The following GLRA3 variants were observed in gnomAD, a reference collection of about 807,000 sequenced individuals.
GLRA3 encodes the protein glycine receptor alpha 3.
In GLRA3, 44 loss-of-function variants were observed where a neutral mutation model predicts 60.4. The ratio of observed to expected loss-of-function variants is 0.73; its 90% confidence interval spans 0.57 to 0.94. The LOEUF (loss-of-function observed/expected upper bound fraction) is 0.94. Ranked by LOEUF, GLRA3 falls within the 40% of genes least tolerant of loss-of-function variation. The pLI is 0.00. For synonymous variants in GLRA3, 223 were observed against 192.9 expected (o/e 1.16, Z -1.29); for missense variants, 508 against 564.6 (o/e 0.90, Z 1.02).
At chr4:174,742,516 C>G (rs1416124686) in intron 3 of GLRA3, among the ~76,000 whole-genome samples, 1 of 152,068 alleles carries the variant, frequency 6.6e-6, no homozygotes, top group Non-Finnish European at 1.5e-5. Context: ...AGCCACTGGG[C>G]TTTTACAGGG....
At chr4:174,704,461 A>G (rs1191168933) in intron 5 of GLRA3, among the ~76,000 whole-genome samples, 1 of 143,888 alleles carries the variant, frequency 6.9e-6, no homozygotes, top group African/African-American at 2.5e-5. Flanking sequence ...AAGTGTTGGC[A>G]AGGGTGTAAA....
Position 174,828,865 on chromosome 4 carries a change from A to G in GLRA3, c.-54T>C. 8.7e-7 allele frequency: 1 copy of G among 1,154,016 alleles called. No individual in the cohort carries two copies. Among genetic ancestry groups the G allele is most frequent in the Non-Finnish European group, 1.3e-6 (1 of 759,880 alleles). 71.5% of individuals were successfully genotyped at this position (1,154,016 alleles called of 1,614,324 possible). A position where few individuals can be genotyped will look rare whatever the true frequency, so the allele number is the denominator to read the frequency against. ...AATAGTCTTATCCAAGGCATGGGGA[A>G]CCAGAAAGACAGAATGAAAATGTAC... On this transcript the variant is annotated 5_prime_UTR_variant, in exon 1 of 10. Coordinates refer to ENST00000274093, the MANE Select transcript of GLRA3 (RefSeq NM_006529.4).
chr4:174,766,049 A>C (rs1738130909), intron 3 of GLRA3, among the ~76,000 whole-genome samples: 2 of 151,948 alleles, frequency 1.3e-5, no homozygotes, highest in African/African-American at 4.8e-5. Flanking sequence ...ATATATGTAA[A>C]AATTTGCATA....
chr4:174,826,509 T>A (rs368187669), intron 1 of GLRA3, among the ~76,000 whole-genome samples: 150 of 152,296 alleles, frequency 9.8e-4, no homozygotes, highest in African/African-American at 3.4e-3. Flanking sequence ...CACTTGGGTG[T>A]GTTCCCTTTG....
chr4:174,688,263 C>A (rs1020270279), intron 5 of GLRA3, among the ~76,000 whole-genome samples: 45 of 144,682 alleles, frequency 3.1e-4, no homozygotes, highest in African/African-American at 1.1e-3. Flanking sequence ...TCCAGTTGCT[C>A]TACCTTACCT....
At chr4:174,680,631 G>T (rs1734305763) in intron 6 of GLRA3, among the ~76,000 whole-genome samples, 1 of 152,114 alleles carries the variant, frequency 6.6e-6, no homozygotes, top group African/African-American at 2.4e-5. Flanking sequence ...AGTCATTGTG[G>T]CAGGGTATTA....
chr4:174,647,142 C>T (rs960916024), intron 9 of GLRA3, among the ~76,000 whole-genome samples: 4 of 152,148 alleles, frequency 2.6e-5, no homozygotes, highest in Admixed American at 6.5e-5. Context: ...GGCGGAGGCT[C>T]ACGCCCATAA....
intron 7 of GLRA3, among the ~76,000 whole-genome samples, chr4:174,670,926 T>C (rs6819137): frequency 0.14 from 21,912 of 152,040 alleles, 2,096 homozygotes; most frequent in East Asian, 0.38. Flanking sequence ...AGTAATAAAA[T>C]TGGATGGTAT....
chr4:174,804,119 A>T (rs1739933863), intron 1 of GLRA3, among the ~76,000 whole-genome samples: 2 of 152,186 alleles, frequency 1.3e-5, no homozygotes, highest in Non-Finnish European at 2.9e-5. Context: ...ATAATTCAAA[A>T]GAAATATATC....
intron 5 of GLRA3, among the ~76,000 whole-genome samples, chr4:174,708,663 C>T (rs1400716310): frequency 1.4e-5 from 2 of 143,954 alleles, no homozygotes; most frequent in African/African-American, 5.1e-5. Context: ...GCAATACATT[C>T]CTCTTTAGAT....
intron 1 of GLRA3, among the ~76,000 whole-genome samples, chr4:174,814,160 T>C (rs778154677): frequency 1.7e-4 from 26 of 152,186 alleles, no homozygotes; most frequent in Non-Finnish European, 3.7e-4. Context: ...AACAGCTCAA[T>C]AGGGGGTCAG....
At position 174,677,347 on chromosome 4, in the gene GLRA3, C is replaced by A. The variant is rs1034305940; in HGVS notation, c.713-55G>T. The A allele has an allele frequency of 2.7e-5, 26 of 956,638 alleles. No homozygotes were observed. The African/African-American group carries it at 4.1e-4, about 15-fold the overall frequency. The allele number at this position is 956,638 out of a possible 1,614,324, so 59.3% of individuals were successfully genotyped here. Reference sequence around the variant, plus strand: ...TAGTACAAATAGGTCTTTGTTACGGCATCAAATATCACAATTTCTCTTTTT... The same window carrying A: ...TAGTACAAATAGGTCTTTGTTACGGAATCAAATATCACAATTTCTCTTTTT... On this transcript the variant is annotated intron_variant, in intron 6 of 9. Transcript: ENST00000274093.
chr4:174,772,838 G>C (rs1738446112), intron 2 of GLRA3, among the ~76,000 whole-genome samples: 1 of 152,114 alleles, frequency 6.6e-6, no homozygotes, highest in Non-Finnish European at 1.5e-5. Context: ...AATAGTCTGG[G>C]ATGGGGACAG....
At chr4:174,697,382 G>T (rs970343821) in intron 5 of GLRA3, among the ~76,000 whole-genome samples, 1 of 152,186 alleles carries the variant, frequency 6.6e-6, no homozygotes, top group Admixed American at 6.5e-5. Context: ...GGAAGAAAAT[G>T]CTCACTCTTG....
chr4:174,800,260 G>A (rs1739753886), intron 1 of GLRA3, among the ~76,000 whole-genome samples: 1 of 152,018 alleles, frequency 6.6e-6, no homozygotes, highest in African/African-American at 2.4e-5. Context: ...TATAAGGGCA[G>A]TTGATAGTAA....
At chr4:174,825,820 C>T (rs573065222) in intron 1 of GLRA3, among the ~76,000 whole-genome samples, 1 of 151,936 alleles carries the variant, frequency 6.6e-6, no homozygotes, top group Non-Finnish European at 1.5e-5. Context: ...ATAGATGATA[C>T]TTTAGTGCTT....
intron 7 of GLRA3, 39 bp downstream of exon 7, chr4:174,677,039 G>T: frequency 8.5e-7 from 1 of 1,174,002 alleles, no homozygotes; most frequent in Non-Finnish European, 1.3e-6. Context: ...ATTTATAAGT[G>T]TGTGTGCAAA....
chr4:174,698,700 T>C (rs1027847521), intron 5 of GLRA3, among the ~76,000 whole-genome samples: 16 of 152,192 alleles, frequency 1.1e-4, no homozygotes, highest in African/African-American at 3.9e-4. Flanking sequence ...TTTAACATGA[T>C]TGGATAGCTT....
chr4:174,761,904 A>G (rs1052531604), intron 3 of GLRA3, among the ~76,000 whole-genome samples: 31 of 152,172 alleles, frequency 2.0e-4, no homozygotes, highest in African/African-American at 7.0e-4. Context: ...TAGGAAAAGG[A>G]GGCTCATTAT....
Sources: gnomAD v4.1 joint callset for allele counts (sites outside exome capture counted in the v4.1 genomes callset) on GRCh38, gnomAD v4.1.1 for gene constraint, MANE v1.5 for transcripts, NCBI Gene and HGNC (gene_info 2026-07-23, HGNC 2026-07-21) for gene names.